The following ROPN1L variants were observed in gnomAD, a reference collection of about 807,000 sequenced individuals.
ROPN1L encodes ropporin-1-like protein.
Under a neutral mutation model 22.7 loss-of-function variants are expected in ROPN1L, and 23 were observed. That is an observed-to-expected ratio of 1.01 (90% CI 0.73 to 1.43). ROPN1L has a LOEUF of 1.43. Ranked by LOEUF, ROPN1L falls within the 40% of genes most tolerant of loss-of-function variation. ROPN1L has a pLI of 0.00. For missense variants in ROPN1L, 271 were observed against 291.5 expected, an observed-to-expected ratio of 0.93 and a Z score of 0.51; for synonymous variants, 116 against 117.8, an observed-to-expected ratio of 0.98 and a Z score of 0.10.
downstream of ROPN1L, among the ~76,000 whole-genome samples, chr5:10,474,827 C>T (rs1735297687): frequency 6.6e-6 from 1 of 152,176 alleles, no homozygotes; most frequent in South Asian, 2.1e-4. Context: ...TGAGCTTGAG[C>T]CTTGATTTTG....
downstream of ROPN1L, among the ~76,000 whole-genome samples, chr5:10,475,199 T>C (rs1394720928): frequency 1.3e-5 from 2 of 152,206 alleles, no homozygotes; most frequent in Non-Finnish European, 2.9e-5. Flanking sequence ...GCCACTTCTC[T>C]GCAGTTCTAC....
chr5:10,455,574 G>A (rs1741390858), intron 3 of ROPN1L, among the ~76,000 whole-genome samples: 1 of 151,692 alleles, frequency 6.6e-6, no homozygotes, highest in African/African-American at 2.4e-5. Flanking sequence ...GATTCCCATG[G>A]GCCGCTGATG....
downstream of ROPN1L, chr5:10,472,065 A>G (rs1169618440): frequency 6.6e-6 from 1 of 152,246 alleles, no homozygotes; most frequent in East Asian, 1.9e-4. Context: ...GCATGCTCAC[A>G]GTGCATACGT....
At chr5:10,452,307 G>C (rs1244489434) in intron 3 of ROPN1L, among the ~76,000 whole-genome samples, 33 of 144,660 alleles carry the variant, frequency 2.3e-4, no homozygotes, top group Admixed American at 6.1e-4. Context: ...GTGTGTGTGT[G>C]TGTGTGTCTG....
downstream of ROPN1L, among the ~76,000 whole-genome samples, chr5:10,475,785 CT>C (rs35608275): frequency 6.6e-6 from 1 of 152,136 alleles, no homozygotes; most frequent in African/African-American, 2.4e-5. Context: ...GACTCAGAGG[CT>C]TTCTATTAGA....
rs1273422627 is a variant in ROPN1L, at chr5:10,448,346, G to T, written c.218G>T (p.Gly73Val). 1.2e-6 allele frequency: 2 copies of T among 1,614,210 alleles called. No homozygotes were observed. Among genetic ancestry groups the T allele is most frequent in the Middle Eastern group, 1.7e-4 (1 of 6,060 alleles). ...ACGGCAACCCAGAAAACAGACACAG[G>T]CCTGACTCAAGGACTCCTGAAAGTT... ...MPTATQKTDT[G>V]LTQGLLKVLH... The change falls in exon 2 of 5, where the codon GGC (glycine) becomes GTC (valine). Residue 73 changes from glycine (G) to valine (V), a missense_variant. Gly to Val is a moderately radical substitution (Grantham distance 109). Transcript: ENST00000274134.
At chr5:10,455,468 C>A (rs1388986829) in intron 3 of ROPN1L, among the ~76,000 whole-genome samples, 1 of 152,226 alleles carries the variant, frequency 6.6e-6, no homozygotes. Flanking sequence ...ACTCCCCTGG[C>A]CCCAGCTCCA....
chr5:10,473,675 G>A (rs1735281089), downstream of ROPN1L, among the ~76,000 whole-genome samples: 1 of 152,142 alleles, frequency 6.6e-6, no homozygotes, highest in African/African-American at 2.4e-5. Context: ...ACCAGAAATG[G>A]GACAGAGCCC....
chr5:10,471,275 C>T (rs1735240685), intron 4 of ROPN1L, among the ~76,000 whole-genome samples: 1 of 152,020 alleles, frequency 6.6e-6, no homozygotes, highest in Non-Finnish European at 1.5e-5. Flanking sequence ...GTAGCTGGTA[C>T]CACAGGCACA....
At chr5:10,458,039 G>A (rs1734883612) in intron 3 of ROPN1L, among the ~76,000 whole-genome samples, 1 of 152,074 alleles carries the variant, frequency 6.6e-6, no homozygotes, top group South Asian at 2.1e-4. Context: ...GCGATGTGGT[G>A]TAAATACTCC....
Position 10,442,130 on chromosome 5 carries a change from G to A in ROPN1L, c.-38G>A. ...CAGCCGCCCTTCTTCCTCGCAGCGC[G>A]CCGCGATTCACCAGCCTGGTCCCTT... On this transcript the variant is annotated 5_prime_UTR_variant, in exon 1 of 5. Coordinates refer to ENST00000274134, the MANE Select transcript of ROPN1L (RefSeq NM_031916.5). The A allele has an allele frequency of 6.3e-7, 1 of 1,585,326 alleles. No individual in the cohort carries two copies. The highest frequency in any genetic ancestry group is 1.1e-5 in the South Asian group (1 of 89,650).
chr5:10,459,449 G>C lies in ROPN1L; in HGVS notation c.418-1735G>C, dbSNP rs145009584. 7.8e-4 allele frequency among the ~76,000 whole-genome samples: 118 copies of C among 151,936 alleles called. 2 individuals carry two copies. Among genetic ancestry groups the C allele is most frequent in the Non-Finnish European group, 1.4e-3 (97 of 67,980 alleles). On this transcript the variant is annotated intron_variant, in intron 3 of 4. Transcript: ENST00000274134. The stretch of plus-strand genomic sequence containing the variant: ...AAACACTCTACAGTGCTCCGTCTTT[G>C]TTTAAAACCCTTTGACACCTTCCCA...
chr5:10,459,342 T>TCCCG (rs1290264013), intron 3 of ROPN1L, among the ~76,000 whole-genome samples: 13 of 151,834 alleles, frequency 8.6e-5, no homozygotes, highest in African/African-American at 1.2e-4. Flanking sequence ...ATCACTGGGT[T>TCCCG]CCTGCCTTCC....
At chr5:10,468,884 A>G (rs1196918459), downstream of ROPN1L, among the ~76,000 whole-genome samples, 6 of 152,228 alleles carry the variant, frequency 3.9e-5, no homozygotes, top group Non-Finnish European at 8.8e-5. Context: ...GGCTGGGCGC[A>G]ATGGCTCACG....
chr5:10,473,741 G>A (rs1400060094), downstream of ROPN1L, among the ~76,000 whole-genome samples: 1 of 152,174 alleles, frequency 6.6e-6, no homozygotes, highest in African/African-American at 2.4e-5. Context: ...AGCCCTTTAA[G>A]GAATCAAGAG....
At chr5:10,450,191 C>T (rs1741210653) in intron 3 of ROPN1L, 78 bp downstream of exon 3, 1 of 1,166,538 alleles carries the variant, frequency 8.6e-7, no homozygotes, top group Non-Finnish European at 1.2e-6. Context: ...GTTTCAGTAA[C>T]TAAAGGAAAC....
At chr5:10,464,395 G>A (rs993915065) in intron 4 of ROPN1L, among the ~76,000 whole-genome samples, 6 of 152,202 alleles carry the variant, frequency 3.9e-5, no homozygotes, top group Admixed American at 1.3e-4. Flanking sequence ...ACCGCCATCC[G>A]GGTCATGCTG....
chr5:10,461,248 C>T lies in ROPN1L; in HGVS notation c.482C>T (p.Ala161Val). ...ACGGACGATCCGGAGGGCGGGCCCG[C>T]TCGCATCCCCTTCAAGACGTTTTCC... ...ILTDDPEGGP[A>V]RIPFKTFSYV... Residue 161 changes from alanine to valine, a missense_variant, in exon 4 of 5, where the codon GCT (alanine) becomes GTT (valine). Ala to Val is a moderately conservative substitution (Grantham distance 64). Transcript: ENST00000274134. 1 of 1,614,188 alleles carries T rather than the reference C, an allele frequency of 6.2e-7. No homozygotes were observed. Among genetic ancestry groups the T allele is most frequent in the Non-Finnish European group, 8.5e-7 (1 of 1,180,044 alleles).
At chr5:10,448,471 C>T (rs925068761) in intron 2 of ROPN1L, 88 bp downstream of exon 2, 2 of 1,476,186 alleles carry the variant, frequency 1.4e-6, no homozygotes, top group Non-Finnish European at 1.9e-6. Flanking sequence ...GCGGGGCACA[C>T]CCCAGCAATG....
Sources: allele counts gnomAD v4.1 joint callset (sites outside exome capture counted in the v4.1 genomes callset), GRCh38; gene constraint gnomAD v4.1.1; transcripts MANE v1.5; gene names NCBI Gene and HGNC (gene_info 2026-07-23, HGNC 2026-07-21).